The following AOPEP variants were observed in gnomAD, a reference collection of about 807,000 sequenced individuals.
AOPEP encodes aminopeptidase O.
In AOPEP, 77 loss-of-function variants were observed where a neutral mutation model predicts 98.1. The observed-to-expected ratio is 0.78, with a 90% CI of 0.65 to 0.95. The LOEUF (loss-of-function observed/expected upper bound fraction) is 0.95, where lower values mean the gene tolerates loss of function less well. Ranked by LOEUF, AOPEP falls within the 40% of genes least tolerant of loss-of-function variation. The pLI, the probability that AOPEP is intolerant of heterozygous loss-of-function variation, is 0.00. For missense variants in AOPEP, 1,024 were observed against 1,024.7 expected (o/e 1.00, Z 0.01); for synonymous variants, 346 against 365.3 (o/e 0.95, Z 0.60).
At chr9:94,739,644 CAAAAAAAAA>C (rs56210021) in intron 1 of AOPEP, among the ~76,000 whole-genome samples, 1 of 79,452 alleles carries the variant, frequency 1.3e-5, no homozygotes, top group East Asian at 3.9e-4. Flanking sequence ...AACTTCGTCT[CAAAAAAAAA>C]AAAAAAAAGA....
chr9:94,821,885 G>GC (rs1853238760), intron 5 of AOPEP, among the ~76,000 whole-genome samples: 1 of 151,044 alleles, frequency 6.6e-6, no homozygotes, highest in South Asian at 2.1e-4. Context: ...AGCATGGCAA[G>GC]TTTTTTTTTG....
the AOPEP span, chr9:95,107,293 GA>G: frequency 6.2e-7 from 1 of 1,608,656 alleles, no homozygotes; most frequent in Non-Finnish European, 8.5e-7. Flanking sequence ...TTTCACAGGG[GA>G]GAGGTTAGGA....
chr9:95,129,565 G>A, the AOPEP span, among the ~76,000 whole-genome samples: 1 of 152,162 alleles, frequency 6.6e-6, no homozygotes, highest in Non-Finnish European at 1.5e-5. Context: ...CATGACTGCG[G>A]CCATTATCTT....
At chr9:94,851,177 G>A (rs767101956) in intron 5 of AOPEP, among the ~76,000 whole-genome samples, 1 of 152,312 alleles carries the variant, frequency 6.6e-6, no homozygotes, top group East Asian at 1.9e-4. Flanking sequence ...TGGCTTTTCT[G>A]TTACTGGTAG....
intron 11 of AOPEP, among the ~76,000 whole-genome samples, chr9:94,997,944 C>T (rs10993447): frequency 0.065 from 9,910 of 151,980 alleles, 791 homozygotes; most frequent in African/African-American, 0.18. Context: ...AGTGATCCTC[C>T]CACCTCAGCC....
chr9:95,010,972 C>G (rs1564519391), intron 13 of AOPEP, among the ~76,000 whole-genome samples: 1 of 151,712 alleles, frequency 6.6e-6, no homozygotes, highest in Admixed American at 6.6e-5. Flanking sequence ...CTGATTTTCC[C>G]TTGTAAATCC....
At position 95,005,080 on chromosome 9, in the gene AOPEP, C is replaced by T. The variant is rs774472880; in HGVS notation, c.1978-78C>T. The stretch of plus-strand genomic sequence containing the variant: ...CCGCGGGCGAGGTACGGGGCGGGCA[C>T]GCCGAGTTAGCGGGCGCGGGGCAGG... On this transcript the variant is annotated intron_variant, in intron 11 of 16. Transcript: ENST00000375315. 3.3e-4 allele frequency: 238 copies of T among 717,672 alleles called. 1 individual carries two copies. The highest frequency in any genetic ancestry group is 4.1e-4 in the Non-Finnish European group (232 of 570,712). 44.5% of individuals were successfully genotyped at this position (717,672 alleles called of 1,614,324 possible).
chr9:94,912,913 G>A (rs1240688848), intron 5 of AOPEP, among the ~76,000 whole-genome samples: 6 of 152,192 alleles, frequency 3.9e-5, no homozygotes, highest in Admixed American at 1.3e-4. Context: ...GCCCCAGCAA[G>A]GTCTTGTCAC....
At chr9:94,970,357 T>C (rs2138424954) in intron 10 of AOPEP, among the ~76,000 whole-genome samples, 1 of 152,268 alleles carries the variant, frequency 6.6e-6, no homozygotes, top group East Asian at 1.9e-4. Context: ...TGCAACAAAC[T>C]ACTGTTAGCT....
chr9:94,999,118 C>T (rs2061407253), intron 11 of AOPEP, among the ~76,000 whole-genome samples: 1 of 151,606 alleles, frequency 6.6e-6, no homozygotes, highest in South Asian at 2.1e-4. Context: ...CTTCTCCCAT[C>T]CAAAGAGAAA....
At chr9:94,758,364 C>T (rs930594996) in intron 1 of AOPEP, among the ~76,000 whole-genome samples, 3 of 152,134 alleles carry the variant, frequency 2.0e-5, no homozygotes, top group Admixed American at 1.3e-4. Flanking sequence ...TACAAGGCTG[C>T]AGGAGGCAGG....
At chr9:94,830,276 A>C (rs1189818700) in intron 5 of AOPEP, among the ~76,000 whole-genome samples, 2 of 152,194 alleles carry the variant, frequency 1.3e-5, no homozygotes, top group Non-Finnish European at 2.9e-5. Context: ...TTCACTTATA[A>C]GTGAGAACAT....
intron 1 of AOPEP, among the ~76,000 whole-genome samples, chr9:94,742,071 G>A (rs1833263724): frequency 6.6e-6 from 1 of 152,318 alleles, no homozygotes; most frequent in Admixed American, 6.5e-5. Flanking sequence ...TAGCACTGAC[G>A]ACCACACAGG....
At chr9:94,735,969 C>T (rs1435995429) in intron 1 of AOPEP, among the ~76,000 whole-genome samples, 2 of 152,218 alleles carry the variant, frequency 1.3e-5, no homozygotes, top group Non-Finnish European at 2.9e-5. Context: ...TCTCAAGGTT[C>T]GTCCAGGTTG....
chr9:94,975,742 G>T (rs546305710), intron 10 of AOPEP, among the ~76,000 whole-genome samples: 1 of 152,146 alleles, frequency 6.6e-6, no homozygotes, highest in Non-Finnish European at 1.5e-5. Context: ...CCTCTTCTCC[G>T]CTTTTTCTTC....
intron 5 of AOPEP, among the ~76,000 whole-genome samples, chr9:94,899,850 C>T (rs1030944154): frequency 5.3e-5 from 8 of 152,016 alleles, no homozygotes; most frequent in African/African-American, 7.3e-5. Context: ...AATTTTTAGA[C>T]GTAGGTTGCT....
intron 13 of AOPEP, among the ~76,000 whole-genome samples, chr9:95,058,116 T>C (rs1303416743): frequency 5.3e-5 from 8 of 152,256 alleles, no homozygotes; most frequent in African/African-American, 1.9e-4. Flanking sequence ...AGCTTTCAGC[T>C]TAAAAGAAAA....
intron 4 of AOPEP, among the ~76,000 whole-genome samples, chr9:94,799,600 A>T (rs356124): frequency 0.22 from 33,075 of 151,964 alleles, 5,088 homozygotes; most frequent in African/African-American, 0.43. Context: ...CGGTGGTTCA[A>T]GCCTGTACTC....
the AOPEP span, among the ~76,000 whole-genome samples, chr9:95,135,816 C>T: frequency 6.6e-6 from 1 of 152,180 alleles, no homozygotes; most frequent in Non-Finnish European, 1.5e-5. Flanking sequence ...GAAAAGGCCT[C>T]GTGATGCCCA....
Sources: allele counts gnomAD v4.1 joint callset (sites outside exome capture counted in the v4.1 genomes callset), GRCh38; gene constraint gnomAD v4.1.1; transcripts MANE v1.5; gene names NCBI Gene and HGNC (gene_info 2026-07-23, HGNC 2026-07-21).